The following RGS7 variants were observed in gnomAD, a reference collection of about 807,000 sequenced individuals.
RGS7 encodes the protein regulator of G protein signaling 7.
Under a neutral mutation model 81.1 loss-of-function variants are expected in RGS7, and 27 were observed. That is an observed-to-expected ratio of 0.33 (90% CI 0.25 to 0.46). The LOEUF (loss-of-function observed/expected upper bound fraction) is 0.46, where lower values mean the gene tolerates loss of function less well. RGS7 is among the 20% of genes least tolerant of loss of function. RGS7 has a pLI of 1.00. For missense variants in RGS7, 396 were observed against 607.4 expected (o/e 0.65, Z 3.66); for synonymous variants, 208 against 207.7 (o/e 1.00, Z -0.01).
chr1:240,834,153 C>T (rs1307003471), intron 9 of RGS7, among the ~76,000 whole-genome samples: 2 of 152,174 alleles, frequency 1.3e-5, no homozygotes, highest in African/African-American at 4.8e-5. Flanking sequence ...TCAGTTGATT[C>T]AGCCTCTGAT....
intron 6 of RGS7, among the ~76,000 whole-genome samples, chr1:240,879,451 T>G (rs1452020617): frequency 6.6e-6 from 1 of 152,238 alleles, no homozygotes; most frequent in Non-Finnish European, 1.5e-5. Flanking sequence ...CTAAAGATAC[T>G]TGTTCTTTTT....
At chr1:240,926,376 A>G (rs890158211) in intron 6 of RGS7, among the ~76,000 whole-genome samples, 2 of 152,208 alleles carry the variant, frequency 1.3e-5, no homozygotes, top group Admixed American at 1.3e-4. Context: ...CAGTTATTCC[A>G]GAATCATTAT....
At chr1:240,944,282 G>GTATATATA (rs760788169) in intron 4 of RGS7, among the ~76,000 whole-genome samples, 7 of 55,790 alleles carry the variant, frequency 1.3e-4, no homozygotes, top group African/African-American at 2.6e-4. Flanking sequence ...GTGTGTGTGT[G>GTATATATA]TATATATATA....
intron 18 of RGS7, among the ~76,000 whole-genome samples, chr1:240,795,199 A>G (rs1270068959): frequency 1.0e-5 from 1 of 96,010 alleles, no homozygotes; most frequent in Admixed American, 9.9e-5. Flanking sequence ...AAACAAATAA[A>G]CAAAAAAACC....
intron 2 of RGS7, among the ~76,000 whole-genome samples, chr1:241,279,415 T>C (rs1478382840): frequency 6.6e-6 from 1 of 152,228 alleles, no homozygotes; most frequent in East Asian, 1.9e-4. Flanking sequence ...AAAAATAGTC[T>C]TCTAACAAAG....
intron 2 of RGS7, among the ~76,000 whole-genome samples, chr1:241,211,535 A>G (rs992145678): frequency 7.9e-5 from 12 of 152,202 alleles, no homozygotes; most frequent in African/African-American, 2.9e-4. Flanking sequence ...CTGACAAAAG[A>G]GGACATCACC....
At chr1:241,280,706 G>T (rs1240125328) in intron 2 of RGS7, among the ~76,000 whole-genome samples, 1 of 152,138 alleles carries the variant, frequency 6.6e-6, no homozygotes, top group African/African-American at 2.4e-5. Context: ...TCACTGTGTT[G>T]CCCAGGCTGG....
intron 6 of RGS7, among the ~76,000 whole-genome samples, chr1:240,887,405 T>A (rs1667552991): frequency 6.6e-6 from 1 of 152,088 alleles, no homozygotes; most frequent in African/African-American, 2.4e-5. Context: ...ATTTTTTGTA[T>A]TTTTAGTAGA....
chr1:241,237,372 C>A (rs2076036615), intron 2 of RGS7, among the ~76,000 whole-genome samples: 1 of 152,156 alleles, frequency 6.6e-6, no homozygotes, highest in South Asian at 2.1e-4. Context: ...GCCACAGGGT[C>A]TGGCTGGCTG....
At chr1:240,834,317 A>C (rs972384670) in intron 9 of RGS7, among the ~76,000 whole-genome samples, 1 of 152,160 alleles carries the variant, frequency 6.6e-6, no homozygotes, top group Non-Finnish European at 1.5e-5. Context: ...TTTGCTAGCT[A>C]CAGACTCTTG....
intron 10 of RGS7, among the ~76,000 whole-genome samples, chr1:240,820,526 T>C (rs939816352): frequency 6.6e-6 from 1 of 152,104 alleles, no homozygotes; most frequent in African/African-American, 2.4e-5. Flanking sequence ...AAAATTCTTA[T>C]GTTGAAATCC....
chr1:240,925,049 T>C (rs1412047716), intron 6 of RGS7, among the ~76,000 whole-genome samples: 3 of 152,160 alleles, frequency 2.0e-5, no homozygotes, highest in Non-Finnish European at 4.4e-5. Flanking sequence ...ATTTGGATAT[T>C]AGAGATTCAA....
chr1:241,261,115 A>C (rs1345653617), intron 2 of RGS7, among the ~76,000 whole-genome samples: 2 of 152,136 alleles, frequency 1.3e-5, no homozygotes, highest in Non-Finnish European at 2.9e-5. Flanking sequence ...ACAAAAAAAA[A>C]CAAACAAAAG....
At chr1:240,914,291 A>G (rs1228820982) in intron 6 of RGS7, among the ~76,000 whole-genome samples, 1 of 152,310 alleles carries the variant, frequency 6.6e-6, no homozygotes, top group East Asian at 1.9e-4. Flanking sequence ...AAGTCTTATT[A>G]GCATTCTGCT....
At chr1:240,807,751 G>A (rs1039615202) in intron 14 of RGS7, among the ~76,000 whole-genome samples, 3 of 151,984 alleles carry the variant, frequency 2.0e-5, no homozygotes, top group African/African-American at 4.8e-5. Context: ...AATACTATGC[G>A]AGGCTGGGCA....
chr1:240,799,255 GTGT>G (rs1558268379), intron 18 of RGS7, among the ~76,000 whole-genome samples: 3 of 33,594 alleles, frequency 8.9e-5, no homozygotes, highest in Non-Finnish European at 3.9e-4. Context: ...ATTATGGTTT[GTGT>G]GTGTGTGTGT....
intron 3 of RGS7, among the ~76,000 whole-genome samples, chr1:240,988,224 G>A (rs1426148062): frequency 6.7e-6 from 1 of 149,444 alleles, no homozygotes; most frequent in Non-Finnish European, 1.5e-5. Context: ...AGCTCTAATG[G>A]TGACTCCATC....
chr1:240,807,654 G>T (rs530729271), intron 14 of RGS7, among the ~76,000 whole-genome samples: 3 of 152,248 alleles, frequency 2.0e-5, no homozygotes, highest in African/African-American at 7.2e-5. Context: ...GCCTCAAACA[G>T]GAAACTACCA....
chr1:241,068,238 G>GTGTATA lies in RGS7; in HGVS notation c.175+30427_175+30428insTATACA. On this transcript the variant is annotated intron_variant, in intron 3 of 18. Transcript: ENST00000440928. ...CTATCCATAAATTGTGTGTGTGTGT[G>GTGTATA]TATATATATATATATATATAAAATA... Among the ~76,000 whole-genome samples, 343 of 35,692 alleles carry GTGTATA rather than the reference G, an allele frequency of 9.6e-3. 20 individuals are homozygous for GTGTATA. The highest frequency in any genetic ancestry group is 0.056 in the Admixed American group (137 of 2,448). 23.4% of individuals were successfully genotyped at this position (35,692 alleles called of 152,430 possible). A position where few individuals can be genotyped will look rare whatever the true frequency, so the allele number is the denominator to read the frequency against.
Sources: gnomAD v4.1 joint callset for allele counts (sites outside exome capture counted in the v4.1 genomes callset) on GRCh38, gnomAD v4.1.1 for gene constraint, MANE v1.5 for transcripts, NCBI Gene and HGNC (gene_info 2026-07-23, HGNC 2026-07-21) for gene names.